ANXA8: variants seen among roughly 807,000 people sequenced by gnomAD.
The protein encoded by ANXA8 is VAC-beta.
Under a neutral mutation model 26.8 loss-of-function variants are expected in ANXA8, and 9 were observed. The observed-to-expected ratio is 0.34, with a 90% CI of 0.20 to 0.59. The LOEUF (loss-of-function observed/expected upper bound fraction) is 0.59, where lower values mean the gene tolerates loss of function less well. Among genes scored for constraint, ANXA8 ranks in the 20% least tolerant of loss-of-function variants. ANXA8 has a pLI of 0.84. For synonymous variants in ANXA8, 39 were observed against 94.8 expected, an observed-to-expected ratio of 0.41 and a Z score of 3.42; for missense variants, 83 against 238.5, an observed-to-expected ratio of 0.35 and a Z score of 4.29.
chr10:47,958,129 C>T, the ANXA8 span, among the ~76,000 whole-genome samples: 2 of 150,248 alleles, frequency 1.3e-5, no homozygotes, highest in Non-Finnish European at 2.9e-5. Context: ...AGACAGAACA[C>T]CATGACTGTC....
At chr10:47,721,587 A>G in the ANXA8 span, among the ~76,000 whole-genome samples, 2 of 132,000 alleles carry the variant, frequency 1.5e-5, no homozygotes, top group African/African-American at 2.8e-5. Context: ...GCTGGAGTGC[A>G]CTGGTGCGAT....
At chr10:47,585,263 C>CAAAAAAAAAAA in the ANXA8 span, among the ~76,000 whole-genome samples, 78 of 43,600 alleles carry the variant, frequency 1.8e-3, no homozygotes, top group Non-Finnish European at 1.9e-3. Context: ...GACTCCATCT[C>CAAAAAAAAAAA]AAAAAAAAAA....
the ANXA8 span, among the ~76,000 whole-genome samples, chr10:47,676,592 T>A: frequency 6.6e-6 from 1 of 151,720 alleles, no homozygotes; most frequent in Non-Finnish European, 1.5e-5. Context: ...GGAGTTTGAG[T>A]CCAGCCTGAG....
chr10:47,679,055 A>AG, the ANXA8 span, among the ~76,000 whole-genome samples: 9 of 123,780 alleles, frequency 7.3e-5, no homozygotes, highest in Non-Finnish European at 1.2e-4. Context: ...AAAAAAAAAA[A>AG]AAAAGAAAAA....
chr10:47,543,873 C>T, the ANXA8 span, among the ~76,000 whole-genome samples: 2 of 139,262 alleles, frequency 1.4e-5, no homozygotes, highest in Admixed American at 7.3e-5. Flanking sequence ...GACATTCATT[C>T]CATAAGACAC....
the ANXA8 span, among the ~76,000 whole-genome samples, chr10:47,776,603 A>G: frequency 1.3e-5 from 2 of 152,032 alleles, no homozygotes; most frequent in Non-Finnish European, 2.9e-5. Flanking sequence ...ATTCCCAGAT[A>G]AAGTATTTAT....
At chr10:47,981,223 GA>G in the ANXA8 span, among the ~76,000 whole-genome samples, 1 of 151,178 alleles carries the variant, frequency 6.6e-6, no homozygotes, top group East Asian at 1.9e-4. Flanking sequence ...AATAGATGCA[GA>G]AAAAACATTT....
At chr10:47,702,386 T>G in the ANXA8 span, among the ~76,000 whole-genome samples, 24 of 150,478 alleles carry the variant, frequency 1.6e-4, no homozygotes, top group African/African-American at 4.2e-4. Flanking sequence ...TGTCACCCAG[T>G]CTGGAGTGCA....
the ANXA8 span, among the ~76,000 whole-genome samples, chr10:47,699,951 C>T: frequency 1.3e-5 from 2 of 151,662 alleles, 1 homozygote. Flanking sequence ...ATACAGTTAA[C>T]AAGAAATATG....
the ANXA8 span, chr10:47,502,443 C>T: frequency 6.2e-7 from 1 of 1,612,268 alleles, no homozygotes. Flanking sequence ...ACCATTCCTT[C>T]TCTTCCCTCG....
chr10:47,942,845 C>G, the ANXA8 span, among the ~76,000 whole-genome samples: 1 of 145,364 alleles, frequency 6.9e-6, no homozygotes, highest in Admixed American at 6.8e-5. Flanking sequence ...CAGAGGGAGC[C>G]TTTAGTGGGG....
At chr10:47,559,083 C>A in the ANXA8 span, among the ~76,000 whole-genome samples, 9 of 149,966 alleles carry the variant, frequency 6.0e-5, no homozygotes, top group African/African-American at 2.0e-4. Flanking sequence ...TTCACATTCT[C>A]CAGTTGTGCT....
At chr10:47,658,844 TTTA>T in the ANXA8 span, among the ~76,000 whole-genome samples, 8 of 137,114 alleles carry the variant, frequency 5.8e-5, no homozygotes, top group East Asian at 2.0e-4. Context: ...TTTTTATTTA[TTTA>T]TTATTTATTT....
At chr10:47,510,366 C>G in the ANXA8 span, 4 of 1,310,692 alleles carry the variant, frequency 3.1e-6, no homozygotes, top group South Asian at 2.8e-5. Context: ...ATGTCTTACA[C>G]TCCATGAACT....
chr10:47,640,736 CTCTA>C, the ANXA8 span, among the ~76,000 whole-genome samples: 35 of 129,420 alleles, frequency 2.7e-4, 3 homozygotes, highest in Admixed American at 1.8e-3. Context: ...GCGCATTTCA[CTCTA>C]TCTATTTAAC....
the ANXA8 span, among the ~76,000 whole-genome samples, chr10:47,749,661 A>C: frequency 6.7e-6 from 1 of 149,472 alleles, no homozygotes; most frequent in African/African-American, 2.5e-5. Flanking sequence ...TGTGTAAGTA[A>C]AACCAATGGT....
the ANXA8 span, among the ~76,000 whole-genome samples, chr10:47,761,127 C>CACAG: frequency 1.3e-5 from 2 of 149,308 alleles, no homozygotes; most frequent in South Asian, 4.2e-4. Context: ...CACACACACA[C>CACAG]AGCAGTGGGA....
At chr10:47,719,188 C>A in the ANXA8 span, among the ~76,000 whole-genome samples, 1 of 134,230 alleles carries the variant, frequency 7.4e-6, no homozygotes, top group African/African-American at 2.8e-5. Flanking sequence ...GAGACGGAGT[C>A]TCGCTCTTTC....
chr10:47,684,499 C>G, the ANXA8 span, among the ~76,000 whole-genome samples: 1 of 152,020 alleles, frequency 6.6e-6, no homozygotes, highest in African/African-American at 2.4e-5. Flanking sequence ...TTGTTCAACC[C>G]ACAGCCTGTG....
Sources: gnomAD v4.1 joint callset for allele counts (sites outside exome capture counted in the v4.1 genomes callset) on GRCh38, gnomAD v4.1.1 for gene constraint, MANE v1.5 for transcripts, NCBI Gene and HGNC (gene_info 2026-07-23, HGNC 2026-07-21) for gene names.